Variants in STPG2 observed in about 807,000 individuals in gnomAD.
STPG2 encodes sperm tail PG-rich repeat containing 2.
Under a neutral mutation model 54.2 loss-of-function variants are expected in STPG2, and 56 were observed. That is an observed-to-expected ratio of 1.03 (90% CI 0.83 to 1.29). The LOEUF (loss-of-function observed/expected upper bound fraction) is 1.29, where lower values mean the gene tolerates loss of function less well. Ranked by LOEUF, STPG2 falls within the 50% of genes most tolerant of loss-of-function variation. The pLI, the probability that STPG2 is intolerant of heterozygous loss-of-function variation, is 0.00. For missense variants in STPG2, 596 were observed against 544.9 expected (o/e 1.09, Z -0.93); for synonymous variants, 200 against 181.8 (o/e 1.10, Z -0.81).
At chr4:97,883,813 GAA>G (rs1730464583) in intron 8 of STPG2, among the ~76,000 whole-genome samples, 1 of 152,146 alleles carries the variant, frequency 6.6e-6, no homozygotes, top group South Asian at 2.1e-4. Flanking sequence ...GGAAGAGAGA[GAA>G]AGAAGGCTTC....
intron 8 of STPG2, among the ~76,000 whole-genome samples, chr4:97,909,057 G>A (rs909324549): frequency 3.3e-5 from 5 of 149,710 alleles, no homozygotes; most frequent in East Asian, 1.9e-4. Context: ...TGTGGCAGCT[G>A]CTATAATAAA....
chr4:97,442,119 T>C (rs1432126389), intron 4 of STPG2, among the ~76,000 whole-genome samples: 1 of 152,038 alleles, frequency 6.6e-6, no homozygotes, highest in Admixed American at 6.6e-5. Flanking sequence ...ATGTCCATTA[T>C]GACTAGGAAA....
chr4:97,942,963 G>C (rs920481759), intron 8 of STPG2, among the ~76,000 whole-genome samples: 1 of 152,080 alleles, frequency 6.6e-6, no homozygotes, highest in Non-Finnish European at 1.5e-5. Context: ...TTCTCTGTTT[G>C]GAGTGCTATA....
chr4:97,849,216 A>T (rs1729069239), intron 8 of STPG2, among the ~76,000 whole-genome samples: 1 of 150,296 alleles, frequency 6.7e-6, no homozygotes, highest in Non-Finnish European at 1.5e-5. Flanking sequence ...GGTCCTTCAC[A>T]TCCCTTGTAA....
At chr4:97,443,241 A>C (rs778560274) in intron 4 of STPG2, among the ~76,000 whole-genome samples, 14 of 152,184 alleles carry the variant, frequency 9.2e-5, no homozygotes, top group Non-Finnish European at 1.5e-4. Flanking sequence ...CCAAGAAGAC[A>C]GCCACAAGGC....
chr4:97,873,179 C>T (rs1256456676), intron 8 of STPG2, among the ~76,000 whole-genome samples: 2 of 151,026 alleles, frequency 1.3e-5, no homozygotes, highest in Non-Finnish European at 3.0e-5. Context: ...CTTTCTTTCT[C>T]TCTCCCTCCC....
At chr4:97,734,635 C>T (rs1013055440) in intron 9 of STPG2, among the ~76,000 whole-genome samples, 7 of 151,956 alleles carry the variant, frequency 4.6e-5, no homozygotes, top group Non-Finnish European at 8.8e-5. Flanking sequence ...ATCCATGCCT[C>T]CCAAGGATAA....
intron 8 of STPG2, among the ~76,000 whole-genome samples, chr4:97,883,057 G>A (rs546446457): frequency 3.2e-4 from 49 of 151,376 alleles, no homozygotes; most frequent in African/African-American, 9.7e-4. Flanking sequence ...GGTGGCTCAC[G>A]CTGTAATCCC....
At chr4:97,664,489 A>T (rs1162863944) in intron 10 of STPG2, among the ~76,000 whole-genome samples, 1 of 152,168 alleles carries the variant, frequency 6.6e-6, no homozygotes, top group Non-Finnish European at 1.5e-5. Context: ...TTCTTTCTCT[A>T]TTTCCTCAGT....
chr4:97,724,619 T>C (rs1324822528), intron 9 of STPG2, among the ~76,000 whole-genome samples: 2 of 152,168 alleles, frequency 1.3e-5, no homozygotes, highest in Non-Finnish European at 2.9e-5. Flanking sequence ...TGGATATTTT[T>C]TAAATTTGCT....
intron 10 of STPG2, among the ~76,000 whole-genome samples, chr4:97,662,835 A>C (rs1452917930): frequency 6.6e-6 from 1 of 152,096 alleles, no homozygotes; most frequent in Admixed American, 6.5e-5. Flanking sequence ...TCTATTGGGT[A>C]TTATGCTTAC....
At chr4:97,582,974 T>G (rs1336285730) in intron 10 of STPG2, among the ~76,000 whole-genome samples, 1 of 152,038 alleles carries the variant, frequency 6.6e-6, no homozygotes, top group East Asian at 1.9e-4. Flanking sequence ...GGTAAAACAT[T>G]CTGGGAAATG....
At chr4:98,039,897 A>G (rs1736895491) in intron 5 of STPG2, among the ~76,000 whole-genome samples, 1 of 151,814 alleles carries the variant, frequency 6.6e-6, no homozygotes, top group Non-Finnish European at 1.5e-5. Context: ...AGAAGATTCC[A>G]TATTATTTTC....
At chr4:98,064,235 T>C (rs33988750) in intron 5 of STPG2, among the ~76,000 whole-genome samples, 26,974 of 152,162 alleles carry the variant, frequency 0.18, 3,039 homozygotes, top group Non-Finnish European at 0.27. Flanking sequence ...GCCACGAAGC[T>C]CTCTGAAATG....
intron 9 of STPG2, among the ~76,000 whole-genome samples, chr4:97,729,117 GAA>G (rs1375060848): frequency 8.2e-6 from 1 of 122,594 alleles, no homozygotes; most frequent in African/African-American, 2.9e-5. Flanking sequence ...TGAGGAAACA[GAA>G]AAGAGTCATA....
At chr4:97,445,284 G>A (rs956689657) in intron 4 of STPG2, among the ~76,000 whole-genome samples, 1 of 152,102 alleles carries the variant, frequency 6.6e-6, no homozygotes, top group Admixed American at 6.6e-5. Context: ...TAATTTGTGA[G>A]ACGAAATTAA....
chr4:98,068,743 T>G (rs970862856), intron 5 of STPG2, among the ~76,000 whole-genome samples: 4 of 152,104 alleles, frequency 2.6e-5, no homozygotes, highest in Non-Finnish European at 5.9e-5. Context: ...TGTGCAAACA[T>G]CATAGAGTGT....
At chr4:97,981,438 G>A in intron 5 of STPG2, 120 bp from the exon 6 acceptor site, 1 of 1,011,434 alleles carries the variant, frequency 9.9e-7, no homozygotes, top group Non-Finnish European at 1.4e-6. Flanking sequence ...TTAATGGAGT[G>A]AAGAAAATGT....
At chr4:97,445,753 G>A (rs1486141279) in intron 4 of STPG2, among the ~76,000 whole-genome samples, 2 of 151,970 alleles carry the variant, frequency 1.3e-5, no homozygotes, top group Admixed American at 1.3e-4. Context: ...CTAATAAGCA[G>A]GTTAATGATA....
Sources: gnomAD v4.1 joint callset for allele counts (sites outside exome capture counted in the v4.1 genomes callset) on GRCh38, gnomAD v4.1.1 for gene constraint, MANE v1.5 for transcripts, NCBI Gene and HGNC (gene_info 2026-07-23, HGNC 2026-07-21) for gene names.